Variants in IQUB observed in about 807,000 individuals in gnomAD.
IQUB encodes IQ motif and ubiquitin-like domain-containing protein.
In IQUB, 86 loss-of-function variants were observed where a neutral mutation model predicts 86.4. That is an observed-to-expected ratio of 1.00 (90% CI 0.84 to 1.19). IQUB has a LOEUF of 1.19. IQUB is among the 50% of genes most tolerant of loss of function. The pLI, the probability that IQUB is intolerant of heterozygous loss-of-function variation, is 0.00. For missense variants in IQUB, 946 were observed against 916.9 expected (o/e 1.03, Z -0.41); for synonymous variants, 289 against 304.5 (o/e 0.95, Z 0.53).
chr7:123,477,219 T>A (rs1296138967), intron 8 of IQUB, among the ~76,000 whole-genome samples: 1 of 152,134 alleles, frequency 6.6e-6, no homozygotes, highest in Non-Finnish European at 1.5e-5. Flanking sequence ...CAAAACAGCA[T>A]GGTACTGGTA....
chr7:123,482,095 G>GAGGTCTTA, intron 7 of IQUB, among the ~76,000 whole-genome samples: 1 of 151,954 alleles, frequency 6.6e-6, no homozygotes, highest in South Asian at 2.1e-4. Context: ...CCTCAAAACT[G>GAGGTCTTA]AGGTCTTTTA....
At chr7:123,503,562 G>C (rs1209707667) in intron 3 of IQUB, among the ~76,000 whole-genome samples, 199 bp from the exon 4 acceptor site, 1 of 151,832 alleles carries the variant, frequency 6.6e-6, no homozygotes, top group African/African-American at 2.4e-5. Context: ...TTTGTGGTAA[G>C]AACACTTAAT....
At chr7:123,496,981 TA>T (rs1795734127) in intron 6 of IQUB, 75 bp from the exon 7 acceptor site, 1 of 856,350 alleles carries the variant, frequency 1.2e-6, no homozygotes. Flanking sequence ...CAATGATGAT[TA>T]TTTCAATTCC....
intron 1 of IQUB, among the ~76,000 whole-genome samples, chr7:123,534,023 T>C (rs992999901): frequency 2.0e-5 from 3 of 152,148 alleles, no homozygotes; most frequent in African/African-American, 4.8e-5. Flanking sequence ...TTCTACCAAA[T>C]AGATCTGTTG....
At chr7:123,503,472 A>G in intron 3 of IQUB, 109 bp from the exon 4 acceptor site, 5 of 657,176 alleles carry the variant, frequency 7.6e-6, no homozygotes, top group Non-Finnish European at 1.3e-5. Context: ...TATTGTGTAC[A>G]GCATGCTTTG....
rs148213079 is a variant in IQUB at position 123,510,807 on chromosome 7, T to A, written c.398-772A>T. 2.2e-4 allele frequency among the ~76,000 whole-genome samples: 34 copies of A among 152,006 alleles called. No individual in the cohort carries two copies. The Middle Eastern group carries it at 0.01, about 46-fold the overall frequency. On this transcript the variant is annotated intron_variant, in intron 2 of 12. Transcript: ENST00000324698. The stretch of plus-strand genomic sequence containing the variant: ...TAAAACTTGTTTCCACAGTTCTCTA[T>A]CAACAAAGAGAATACTTTCTCAGAT...
chr7:123,481,146 C>T (rs948520270), intron 7 of IQUB, among the ~76,000 whole-genome samples: 2 of 152,022 alleles, frequency 1.3e-5, no homozygotes, highest in Non-Finnish European at 1.5e-5. Context: ...TTAATTTGCC[C>T]GCCCTGGTTC....
intron 1 of IQUB, among the ~76,000 whole-genome samples, chr7:123,523,962 T>A (rs1797047896): frequency 6.6e-6 from 1 of 152,076 alleles, no homozygotes; most frequent in African/African-American, 2.4e-5. Flanking sequence ...AAATAGGGAA[T>A]CCTTTCCCCA....
At chr7:123,463,071 T>C (rs771088416) in intron 10 of IQUB, among the ~76,000 whole-genome samples, 1 of 151,744 alleles carries the variant, frequency 6.6e-6, no homozygotes, top group Non-Finnish European at 1.5e-5. Context: ...GTTTGAGATA[T>C]TAAAGAGTAT....
At chr7:123,457,311 A>C in intron 12 of IQUB, 70 bp downstream of exon 12, 1 of 1,561,730 alleles carries the variant, frequency 6.4e-7, no homozygotes, top group Non-Finnish European at 8.7e-7. Flanking sequence ...ATATATTAGA[A>C]GGCAGTCCAG....
At chr7:123,470,637 G>C (rs1327736201) in intron 8 of IQUB, among the ~76,000 whole-genome samples, 3 of 152,134 alleles carry the variant, frequency 2.0e-5, no homozygotes, top group South Asian at 2.1e-4. Context: ...AGATCACGAG[G>C]TCAGGAGATC....
intron 8 of IQUB, among the ~76,000 whole-genome samples, chr7:123,473,565 T>A (rs1266327218): frequency 6.6e-6 from 1 of 152,042 alleles, no homozygotes; most frequent in Non-Finnish European, 1.5e-5. Flanking sequence ...TGAGTTCTTT[T>A]GTTTTTTTGT....
intron 6 of IQUB, among the ~76,000 whole-genome samples, chr7:123,500,668 C>A (rs1040216417): frequency 9.9e-5 from 15 of 152,142 alleles, no homozygotes; most frequent in Non-Finnish European, 5.9e-5. Context: ...ACAGGTCACA[C>A]CTCACTTCCA....
intron 7 of IQUB, among the ~76,000 whole-genome samples, chr7:123,483,685 T>C (rs1795101036): frequency 6.6e-6 from 1 of 152,100 alleles, no homozygotes; most frequent in Non-Finnish European, 1.5e-5. Context: ...AGGAACAGAA[T>C]TGCTACTTCT....
intron 7 of IQUB, among the ~76,000 whole-genome samples, chr7:123,483,390 T>C (rs1795088741): frequency 6.6e-6 from 1 of 152,082 alleles, no homozygotes; most frequent in African/African-American, 2.4e-5. Context: ...ATTATGAGAA[T>C]AATGAAGCTT....
chr7:123,466,161 T>C (rs1351663983), intron 9 of IQUB, among the ~76,000 whole-genome samples: 8 of 152,106 alleles, frequency 5.3e-5, no homozygotes, highest in Non-Finnish European at 1.2e-4. Context: ...TTTTCATAAA[T>C]ATTAACTTAT....
At chr7:123,504,781 C>G (rs138462328) in intron 3 of IQUB, among the ~76,000 whole-genome samples, 1 of 152,080 alleles carries the variant, frequency 6.6e-6, no homozygotes, top group Non-Finnish European at 1.5e-5. Flanking sequence ...TATCATTTTG[C>G]TCCTGGCTCC....
At chr7:123,518,666 C>T (rs1796762068) in intron 1 of IQUB, among the ~76,000 whole-genome samples, 1 of 152,194 alleles carries the variant, frequency 6.6e-6, no homozygotes, top group East Asian at 1.9e-4. Flanking sequence ...GCGATCTCAG[C>T]TCACTGCAAC....
intron 7 of IQUB, among the ~76,000 whole-genome samples, chr7:123,487,536 A>G (rs1477707880): frequency 6.6e-6 from 1 of 152,240 alleles, no homozygotes; most frequent in Non-Finnish European, 1.5e-5. Context: ...GTCTTAAATC[A>G]TATGTAGTAA....
Sources: gnomAD v4.1 joint callset for allele counts (sites outside exome capture counted in the v4.1 genomes callset) on GRCh38, gnomAD v4.1.1 for gene constraint, MANE v1.5 for transcripts, NCBI Gene and HGNC (gene_info 2026-07-23, HGNC 2026-07-21) for gene names.